Variants in PLXNA1 observed in about 807,000 individuals in gnomAD.
The protein encoded by PLXNA1 is plexin A1, also known as plexin-A1.
PLXNA1 carries 77 observed loss-of-function variants against 191.7 expected under a neutral mutation model. That is an observed-to-expected ratio of 0.40 (90% CI 0.33 to 0.49). The LOEUF is 0.49. Among genes scored for constraint, PLXNA1 ranks in the 20% least tolerant of loss-of-function variants. The pLI, the probability that PLXNA1 is intolerant of heterozygous loss-of-function variation, is 0.63. For synonymous variants in PLXNA1, 1,137 were observed against 1,156.4 expected (o/e 0.98, Z 0.34); for missense variants, 2,110 against 2,660.2 (o/e 0.79, Z 4.55).
chr3:127,033,077 G>A (rs1183500435), intron 31 of PLXNA1, among the ~76,000 whole-genome samples: 1 of 152,248 alleles, frequency 6.6e-6, no homozygotes, highest in African/African-American at 2.4e-5. Flanking sequence ...GGGTGGGGAA[G>A]ATGGGATGGC....
rs1027316288 is a variant in PLXNA1 at position 127,001,012 on chromosome 3, T to C, written c.1378-2318T>C. ...GGTGGACAGATGGGTACATGGCGGA[T>C]GGACAGCTGGACGCGTGTGCTCCCG... On this transcript the variant is annotated intron_variant, in intron 3 of 31. Transcript: ENST00000393409. Among the ~76,000 whole-genome samples the C allele has an allele frequency of 2.6e-5, 4 of 152,242 alleles. No individual in the cohort carries two copies. The East Asian group carries it at 7.8e-4, about 30-fold the overall frequency.
rs1348751486 is a variant in PLXNA1 at position 127,028,314 on chromosome 3, G to A, written c.4643G>A (p.Arg1548Gln). ...TACAAGGGCGTGCCCTACTCCCAGC[G>A]GCCCAAGGCCGCGGACATGGACCTG... ...AAYKGVPYSQ[R>Q]PKAADMDLEW... The change falls in exon 25 of 32, where the codon CGG becomes CAG. Residue 1548 changes from arginine to glutamine, a missense_variant. Physicochemically the swap from Arg to Gln is conservative, Grantham distance 43. Around this residue, in one of 4 missense-constraint regions of PLXNA1, gnomAD observed 559 missense variants for 911.5 expected, o/e 0.61. Transcript: ENST00000393409. 6.2e-7 allele frequency: 1 copy of A among 1,611,932 alleles called. No individual in the cohort carries two copies. The highest frequency in any genetic ancestry group is 8.5e-7 in the Non-Finnish European group (1 of 1,179,852).
At chr3:127,018,592 C>T in intron 20 of PLXNA1, 64 bp downstream of exon 20, 1 of 1,290,640 alleles carries the variant, frequency 7.7e-7, no homozygotes, top group African/African-American at 1.4e-5. Flanking sequence ...GGCCTGTCCC[C>T]ACACCTACTT....
Position 126,989,016 on chromosome 3 carries a change from G to A in PLXNA1, c.423G>A (p.Leu141=). Residue 141 remains leucine, a synonymous_variant, in exon 2 of 32, where the codon CTG becomes CTA. Coordinates refer to ENST00000393409, the MANE Select transcript of PLXNA1 (RefSeq NM_032242.4). ...GSASQGICQF[L]RLDDLFKLGE... ...CCTCCCAGGGCATCTGCCAGTTCCT[G>A]CGTCTGGACGATCTCTTCAAACTGG... is the stretch of plus-strand genomic sequence containing the variant. 1.2e-6 allele frequency: 2 copies of A among 1,613,302 alleles called. No homozygotes were observed. Among genetic ancestry groups the A allele is most frequent in the Non-Finnish European group, 1.7e-6 (2 of 1,180,028 alleles).
At position 127,005,986 on chromosome 3, in the gene PLXNA1, G is replaced by A. The variant is rs533377827; in HGVS notation, c.1898-93G>A. ...TGCGACTGATGGTGGCAGCTAGGAG[G>A]GTCTCCGGGCAAGTTGTTCCCCTGT... On this transcript the variant is annotated intron_variant, in intron 7 of 31. Transcript: ENST00000393409. 25 of 899,526 alleles carry A rather than the reference G, an allele frequency of 2.8e-5. 1 individual carries two copies. Among genetic ancestry groups the A allele is most frequent in the South Asian group, 2.6e-4 (20 of 75,938 alleles). 55.7% of individuals were successfully genotyped at this position (899,526 alleles called of 1,614,324 possible).
chr3:127,020,734 T>TG (rs1427319664), intron 21 of PLXNA1, among the ~76,000 whole-genome samples: 1 of 152,138 alleles, frequency 6.6e-6, no homozygotes, highest in Non-Finnish European at 1.5e-5. Context: ...CTGCCTCTGT[T>TG]GGGGGTCCCG....
chr3:127,029,243 C>T (rs549607411), intron 26 of PLXNA1, 147 bp downstream of exon 26: 135 of 798,100 alleles, frequency 1.7e-4, no homozygotes, highest in African/African-American at 1.5e-3. Context: ...GTGTGTGGAC[C>T]GTCCCAGGAC....
At chr3:127,025,799 A>G (rs61695800) in intron 23 of PLXNA1, among the ~76,000 whole-genome samples, 248 of 152,382 alleles carry the variant, frequency 1.6e-3, no homozygotes, top group African/African-American at 5.7e-3. Context: ...GTCTGTGCAT[A>G]CAATGAGATA....
intron 3 of PLXNA1, among the ~76,000 whole-genome samples, chr3:126,999,729 C>T (rs2079030841): frequency 6.6e-6 from 1 of 152,072 alleles, no homozygotes; most frequent in African/African-American, 2.4e-5. Context: ...AGCCTGGGGC[C>T]TGCATTGAGC....
In PLXNA1 at chr3:127,037,109, C is replaced by G. The variant is rs568459057; in HGVS notation, c.*3092C>G. ...TTCAGTGGCTCACGTTGGTGCTACA[C>G]AGCTAGAATAGATATATTTAGAGAG... On this transcript the variant is annotated 3_prime_UTR_variant, in exon 32 of 32. Coordinates refer to ENST00000393409, the MANE Select transcript of PLXNA1 (RefSeq NM_032242.4). 1 of 152,702 alleles carries G rather than the reference C, an allele frequency of 6.5e-6. No individual in the cohort carries two copies. Among genetic ancestry groups the G allele is most frequent in the South Asian group, 2.1e-4 (1 of 4,834 alleles). The allele number at this position is 152,702 out of a possible 1,614,324, so 9.5% of individuals were successfully genotyped here.
intron 18 of PLXNA1, 36 bp from the exon 19 acceptor site, chr3:127,017,713 T>C (rs779625985): frequency 2.4e-5 from 38 of 1,612,994 alleles, no homozygotes; most frequent in Non-Finnish European, 3.2e-5. Context: ...AAGAGGCCCC[T>C]CGTCCTGGGC....
Position 126,988,659 on chromosome 3 carries a change from G to C in PLXNA1, c.66G>C (p.Pro22=). 2 of 1,578,664 alleles carry C rather than the reference G, an allele frequency of 1.3e-6. No homozygotes were observed. Among genetic ancestry groups the C allele is most frequent in the Non-Finnish European group, 1.7e-6 (2 of 1,161,980 alleles). ...TGCTGCTGTTGCTGCTGCTGCTGCC[G>C]GGCATGTGGGCTGAGGCAGGCTTGC... ...LLLLLLLLLL[P]GMWAEAGLPR... Residue 22 remains proline (P), a synonymous_variant, in exon 2 of 32, where the codon CCG becomes CCC. Coordinates refer to ENST00000393409, the MANE Select transcript of PLXNA1 (RefSeq NM_032242.4).
chr3:126,999,374 C>T (rs552377795), intron 3 of PLXNA1, among the ~76,000 whole-genome samples: 66 of 152,266 alleles, frequency 4.3e-4, no homozygotes, highest in South Asian at 3.1e-3. Flanking sequence ...CCCTGGGGCC[C>T]GGAGGCAGCT....
At position 127,031,496 on chromosome 3, in the gene PLXNA1, C is replaced by A. The variant is rs114273266; in HGVS notation, c.5232-891C>A. Among the ~76,000 whole-genome samples, 1,156 of 152,288 alleles carry A rather than the reference C, an allele frequency of 7.6e-3. 15 individuals are homozygous for A. Among genetic ancestry groups the A allele is most frequent in the African/African-American group, 0.026 (1,086 of 41,568 alleles). On this transcript the variant is annotated intron_variant, in intron 29 of 31. Transcript: ENST00000393409. ...CGTGCATCCTGCTGGGGTCTCCCCCCAGTTCTGTGCACACTCTCCACTGTC... is the reference window on the plus strand; with the variant it reads ...CGTGCATCCTGCTGGGGTCTCCCCCAAGTTCTGTGCACACTCTCCACTGTC...
chr3:127,022,728 C>T, intron 22 of PLXNA1, 24 bp from the exon 23 acceptor site: 1 of 1,609,606 alleles, frequency 6.2e-7, no homozygotes, highest in Non-Finnish European at 8.5e-7. Context: ...TGACACCACT[C>T]TGCCCATATT....
rs374609260 is a variant in PLXNA1, at chr3:127,017,411, C to A, written c.3277-14C>A. The A allele has an allele frequency of 2.8e-5, 45 of 1,609,550 alleles. No individual in the cohort carries two copies. The highest frequency in any genetic ancestry group is 3.2e-5 in the Non-Finnish European group (38 of 1,178,008). ...GCGGAGGTCCCGCCCAGCATCCCCA[C>A]CCTGTGTCTCCAGGGCTGCCTGGTG... On this transcript the variant is annotated splice_polypyrimidine_tract_variant and intron_variant, in intron 17 of 31. Transcript: ENST00000393409.
At chr3:127,022,920 C>A in intron 23 of PLXNA1, 102 bp downstream of exon 23, 1 of 1,051,448 alleles carries the variant, frequency 9.5e-7, no homozygotes, top group South Asian at 1.4e-5. Context: ...AGAATGACAG[C>A]TGGTGGGGTC....
rs113814980 is a variant in PLXNA1 at position 127,029,849 on chromosome 3, G to A, written c.4871-25G>A. 5,536 of 1,575,562 alleles carry A rather than the reference G, an allele frequency of 3.5e-3. 125 individuals are homozygous for A. The African/African-American group carries it at 0.053, about 15-fold the overall frequency. On this transcript the variant is annotated intron_variant, in intron 27 of 31. Transcript: ENST00000393409. ...GGGGGTGCGGGGTGCCAGCCAACGC[G>A]GGCGCTGACAGCCTGGTGCTGCAGA...
In PLXNA1 at chr3:126,989,125, C is replaced by T; in HGVS notation, c.532C>T (p.Pro178Ser). The T allele has an allele frequency of 6.2e-7, 1 of 1,613,152 alleles. No homozygotes were observed. Among genetic ancestry groups the T allele is most frequent in the Non-Finnish European group, 8.5e-7 (1 of 1,179,986 alleles). The stretch of plus-strand genomic sequence containing the variant: ...GGCGGGCGTGCTCATTGCCGGGCCA[C>T]CGGGCCAGGGCCAGGCCAAGCTCTT... The part of the protein sequence containing the change: ...SMAGVLIAGP[P>S]GQGQAKLFVG... Residue 178 changes from proline to serine, a missense_variant, in exon 2 of 32, where the codon CCG becomes TCG. By Grantham distance (74) the Pro-to-Ser change is moderately conservative. This residue lies in a region of PLXNA1 where 903 missense variants were observed against 1,015.7 expected (regional missense o/e 0.89). Transcript: ENST00000393409.
Sources: gnomAD v4.1 joint callset for allele counts (sites outside exome capture counted in the v4.1 genomes callset) on GRCh38, gnomAD v4.1.1 for gene constraint, gnomAD v4.1.1 regional missense constraint, MANE v1.5 for transcripts, NCBI Gene and HGNC (gene_info 2026-07-23, HGNC 2026-07-21) for gene names.